SNX25: variants seen among roughly 807,000 people sequenced by gnomAD.
The protein encoded by SNX25 is sorting nexin 25.
A neutral mutation model predicts 113.7 loss-of-function variants in SNX25; 62 were observed. The ratio of observed to expected loss-of-function variants is 0.55; its 90% confidence interval spans 0.44 to 0.67. The LOEUF is 0.67. SNX25 is among the 30% of genes least tolerant of loss of function. SNX25 has a pLI of 0.00. For missense variants in SNX25, 1,014 were observed against 1,161.0 expected (o/e 0.87, Z 1.84); for synonymous variants, 421 against 436.2 (o/e 0.97, Z 0.43).
intron 16 of SNX25, among the ~76,000 whole-genome samples, chr4:185,359,213 G>A (rs2095351598): frequency 6.6e-6 from 1 of 152,008 alleles, no homozygotes; most frequent in Non-Finnish European, 1.5e-5. Context: ...ATTAGGTGTG[G>A]TAGTACACGC....
At chr4:185,326,276 T>A (rs1388852801) in intron 9 of SNX25, among the ~76,000 whole-genome samples, 4 of 152,228 alleles carry the variant, frequency 2.6e-5, no homozygotes, top group African/African-American at 9.6e-5. Flanking sequence ...AGTTAATTCC[T>A]GTCCTGCTTG....
chr4:185,317,762 A>G (rs943942681), intron 7 of SNX25, among the ~76,000 whole-genome samples: 1 of 152,118 alleles, frequency 6.6e-6, no homozygotes, highest in Non-Finnish European at 1.5e-5. Flanking sequence ...AGGGAGGGGA[A>G]CATCACACAC....
chr4:185,304,838 G>C (rs1754234806), intron 6 of SNX25, among the ~76,000 whole-genome samples: 1 of 152,210 alleles, frequency 6.6e-6, no homozygotes, highest in Admixed American at 6.5e-5. Flanking sequence ...TGGTTAGTCT[G>C]TCAGTGCACA....
In SNX25 at chr4:185,351,491, C is replaced by T. The variant is rs1483705108; in HGVS notation, c.2348C>T (p.Ala783Val). 1 of 1,614,158 alleles carries T rather than the reference C, an allele frequency of 6.2e-7. No individual in the cohort carries two copies. Residue 783 changes from alanine (A) to valine (V), a missense_variant, in exon 14 of 19, where the codon GCC becomes GTC. Coordinates refer to ENST00000652585, the MANE Select transcript of SNX25 (RefSeq NM_001378034.2). ...CTGTGTCAGAGTGAAGCACTTTATG[C>T]CTTCTTGAGCCCTTCTCCTGACTAC... ...ERLCQSEALY[A>V]FLSPSPDYLK... is the part of the protein sequence containing the mutation.
chr4:185,321,331 C>CGG (rs36059364), intron 8 of SNX25, among the ~76,000 whole-genome samples: 1 of 149,570 alleles, frequency 6.7e-6, no homozygotes. Flanking sequence ...GGGGCGATCT[C>CGG]GGCTCACTGC....
At chr4:185,229,224 C>T (rs868399221) in intron 1 of SNX25, among the ~76,000 whole-genome samples, 2 of 152,160 alleles carry the variant, frequency 1.3e-5, no homozygotes, top group Admixed American at 1.3e-4. Context: ...ATGAGAGCTG[C>T]CCACACCTCA....
chr4:185,369,746 A>G (rs2095408551), intron 11 of SNX25: 1 of 446,484 alleles, frequency 2.2e-6, no homozygotes, highest in African/African-American at 2.0e-5. Context: ...TTGGAATCCC[A>G]CAGGGAACTT....
At chr4:185,288,215 AC>A (rs1336334129) in intron 6 of SNX25, 133 bp downstream of exon 6, 3 of 631,226 alleles carry the variant, frequency 4.8e-6, no homozygotes, top group East Asian at 5.6e-5. Flanking sequence ...TTTATTAAAA[AC>A]AATACTATTA....
intron 5 of SNX25, among the ~76,000 whole-genome samples, chr4:185,287,546 C>T (rs988378881): frequency 3.9e-5 from 6 of 152,192 alleles, no homozygotes; most frequent in Admixed American, 3.3e-4. Flanking sequence ...GTGTGGTCCA[C>T]AAGCCCACAG....
intron 7 of SNX25, among the ~76,000 whole-genome samples, chr4:185,316,461 C>T (rs1003999478): frequency 2.0e-5 from 3 of 152,124 alleles, no homozygotes; most frequent in African/African-American, 4.8e-5. Flanking sequence ...GTGTTGCCTT[C>T]CTATCTTGCT....
rs2111466150 is a variant in SNX25 at position 185,210,863 on chromosome 4, G to T, written c.429+608G>T. Among the ~76,000 whole-genome samples, 1 of 152,226 alleles carries T rather than the reference G, an allele frequency of 6.6e-6. No individual in the cohort carries two copies. The highest frequency in any genetic ancestry group is 3.4e-3 in the Middle Eastern group (1 of 292). On this transcript the variant is annotated intron_variant, in intron 1 of 18. Transcript: ENST00000652585. This position sits in a 1 kb window ranked among gnomAD's most constrained non-coding sequence, Gnocchi z 4.4. ...CAGAAATCACTGGTTTGCAACAAAA[G>T]GAAAGCCATCCTCAGCGCGCTGTGG...
Position 185,286,363 on chromosome 4 carries a change from G to A in SNX25, c.1092-1649G>A, listed in dbSNP as rs192414277. On this transcript the variant is annotated intron_variant, in intron 5 of 18. Coordinates refer to ENST00000652585, the MANE Select transcript of SNX25 (RefSeq NM_001378034.2). ...CCTGGCCTCAAAGCAATCCTCCCTC[G>A]GCTTCCTAAAATGTTGGGATTACAA... Among the ~76,000 whole-genome samples, 196 of 152,144 alleles carry A rather than the reference G, an allele frequency of 1.3e-3. 1 individual carries two copies. Among genetic ancestry groups the A allele is most frequent in the African/African-American group, 4.5e-3 (188 of 41,504 alleles).
At chr4:185,329,484 A>G (rs77623668) in intron 9 of SNX25, among the ~76,000 whole-genome samples, 1 of 152,308 alleles carries the variant, frequency 6.6e-6, no homozygotes, top group East Asian at 1.9e-4. Context: ...GAAACTGGGC[A>G]TCCCCAAGAT....
At chr4:185,277,531 A>G (rs897756660) in intron 5 of SNX25, among the ~76,000 whole-genome samples, 14 of 152,224 alleles carry the variant, frequency 9.2e-5, no homozygotes, top group African/African-American at 2.4e-4. Context: ...GCCATGGCCG[A>G]TTTAAAGCCA....
At chr4:185,346,967 C>T (rs1239678777) in intron 13 of SNX25, among the ~76,000 whole-genome samples, 2 of 152,160 alleles carry the variant, frequency 1.3e-5, no homozygotes, top group African/African-American at 4.8e-5. Flanking sequence ...GTCCCGACTT[C>T]CAGCACCATA....
downstream of SNX25, among the ~76,000 whole-genome samples, chr4:185,372,276 T>C (rs56231247): frequency 7.3e-3 from 1,113 of 152,322 alleles, 10 homozygotes; most frequent in African/African-American, 0.026. Flanking sequence ...GATAAGGCAA[T>C]TGCTGCTTAA....
At chr4:185,316,344 C>T (rs939401162) in intron 7 of SNX25, among the ~76,000 whole-genome samples, 1 of 152,120 alleles carries the variant, frequency 6.6e-6, no homozygotes, top group East Asian at 1.9e-4. Context: ...AAAACTGAGG[C>T]GCAGAGAGAT....
At chr4:185,351,198 A>G (rs2095313252) in intron 13 of SNX25, among the ~76,000 whole-genome samples, 1 of 152,248 alleles carries the variant, frequency 6.6e-6, no homozygotes, top group Non-Finnish European at 1.5e-5. Context: ...TGCCTTTTGC[A>G]TAGTTATCTC....
Position 185,357,737 on chromosome 4 carries a change from A to G in SNX25, c.2651A>G (p.Lys884Arg), listed in dbSNP as rs372369970. The change falls in exon 16 of 19, where the codon AAA (lysine) becomes AGA (arginine). Residue 884 changes from lysine to arginine, a missense_variant and splice_region_variant. By Grantham distance (26) the Lys-to-Arg change is conservative. Coordinates refer to ENST00000652585, the MANE Select transcript of SNX25 (RefSeq NM_001378034.2). ...GTCACTTTTGGAAGAACCATCAACA[A>G]GTGAGTTGTATGAAATTAATATTTG... The part of the protein sequence containing the change: ...VQVTFGRTIN[K>R]QIRDTVSWIF... The G allele has an allele frequency of 1.9e-6, 3 of 1,612,918 alleles. No homozygotes were observed. In the African/African-American group the frequency reaches 4.0e-5, roughly 21 times the overall value.
Sources: allele counts gnomAD v4.1 joint callset (sites outside exome capture counted in the v4.1 genomes callset), GRCh38; gene constraint gnomAD v4.1.1; non-coding constraint Gnocchi (gnomAD v3.1); transcripts MANE v1.5; gene names NCBI Gene and HGNC (gene_info 2026-07-23, HGNC 2026-07-21).